C1orf141: variants seen among roughly 807,000 people sequenced by gnomAD.
C1orf141 encodes the protein chromosome 1 open reading frame 141.
C1orf141 carries 19 observed loss-of-function variants against 23.2 expected under a neutral mutation model. The ratio of observed to expected loss-of-function variants is 0.82; its 90% CI spans 0.57 to 1.20. The LOEUF (loss-of-function observed/expected upper bound fraction) is 1.20, where lower values mean the gene tolerates loss of function less well. Ranked by LOEUF, C1orf141 falls within the 50% of genes most tolerant of loss-of-function variation. C1orf141 has a pLI of 0.00. For missense variants in C1orf141, 469 were observed against 455.1 expected (o/e 1.03, Z -0.28); for synonymous variants, 153 against 154.6 (o/e 0.99, Z 0.08).
At chr1:67,132,526 A>G (rs924822081) in intron 1 of C1orf141, among the ~76,000 whole-genome samples, 2 of 152,132 alleles carry the variant, frequency 1.3e-5, no homozygotes, top group East Asian at 3.9e-4. Context: ...CATTTCAAAA[A>G]AAAAAAAGAG....
rs1558181825 is a variant in C1orf141, at chr1:67,093,365, CT to C, written c.842del (p.Gln281ArgfsTer13). The C allele has an allele frequency of 6.2e-7, 1 of 1,613,734 alleles. No homozygotes were observed. Reference protein sequence around the residue: ...TMPTVQRKDIQIPMSFKAGHT... With the variant: ...TMPTVQRKDIXIPMSFKAGHT... ...GGCCCGCTTTAAAAGACATAGGGAT[CT>C]GTATATCTTTTCTCTGTACTGTAGG... On this transcript the variant is annotated frameshift_variant, in exon 8 of 8. Coordinates refer to ENST00000684719, the MANE Select transcript of C1orf141 (RefSeq NM_001276351.2). LOFTEE classifies it low-confidence loss of function (END_TRUNC).
intron 5 of C1orf141, among the ~76,000 whole-genome samples, chr1:67,101,727 A>G (rs1220446961): frequency 6.6e-6 from 1 of 152,070 alleles, no homozygotes; most frequent in Non-Finnish European, 1.5e-5. Flanking sequence ...TTTGGCCAGG[A>G]TGAACTGAAC....
chr1:67,113,673 G>T, intron 5 of C1orf141: 1 of 1,252,890 alleles, frequency 8.0e-7, no homozygotes, highest in Non-Finnish European at 1.0e-6. Context: ...CCAGGTCTTT[G>T]TAAGAAGTAC....
rs1646572116 is a variant in C1orf141, at chr1:67,134,933, ATCTCCTTTCCTCCCTCT to A, written c.-124_-108del. On this transcript the variant is annotated 5_prime_UTR_variant, in exon 1 of 8. The change creates a new upstream start codon in the 5' untranslated region. Transcript: ENST00000684719. ...CCTTCCGCACCCTGAAACAAACCTC[ATCTCCTTTCCTCCCTCT>A]TCTGGCTCCGCGGGTTACTCGCCCC... 6.6e-6 allele frequency: 1 copy of A among 152,170 alleles called. No homozygotes were observed. The highest frequency in any genetic ancestry group is 2.1e-4 in the South Asian group (1 of 4,802). 9.4% of individuals were successfully genotyped at this position (152,170 alleles called of 1,614,324 possible).
intron 4 of C1orf141, among the ~76,000 whole-genome samples, chr1:67,119,016 C>T (rs1298186044): frequency 6.6e-6 from 1 of 152,122 alleles, no homozygotes; most frequent in Non-Finnish European, 1.5e-5. Context: ...GTAACAAGTA[C>T]TTGAATATGT....
intron 5 of C1orf141, among the ~76,000 whole-genome samples, chr1:67,104,084 C>T (rs796842689): frequency 2.6e-5 from 4 of 152,084 alleles, no homozygotes; most frequent in African/African-American, 9.6e-5. Flanking sequence ...GCCACAAAGA[C>T]CTCACATTTT....
In C1orf141 at chr1:67,115,384, G is replaced by T. The variant is rs1421343511; in HGVS notation, c.314C>A (p.Thr105Lys). The T allele has an allele frequency of 1.4e-6, 2 of 1,415,204 alleles. No homozygotes were observed. The highest frequency in any genetic ancestry group is 2.0e-6 in the Non-Finnish European group (2 of 1,013,904). 87.7% of individuals were successfully genotyped at this position (1,415,204 alleles called of 1,614,324 possible). Residue 105 changes from threonine (T) to lysine (K), a missense_variant, in exon 5 of 8, where the codon ACA (threonine) becomes AAA (lysine). This residue lies in a region of C1orf141 where 370 missense variants were observed against 348.1 expected (regional missense o/e 1.06). Coordinates refer to ENST00000684719, the MANE Select transcript of C1orf141 (RefSeq NM_001276351.2). ...KSNLRPFFIQ[T>K]NVKNKESEST... ...CTCACTTTCTTTATTTTTTACATTTGTTTGAATAAAGAATGGTCTTAAATT... is the reference window on the plus strand; with the variant it reads ...CTCACTTTCTTTATTTTTTACATTTTTTTGAATAAAGAATGGTCTTAAATT...
intron 5 of C1orf141, among the ~76,000 whole-genome samples, chr1:67,114,927 C>T (rs140552298): frequency 0.032 from 4,798 of 152,314 alleles, 102 homozygotes; most frequent in Non-Finnish European, 0.047. Context: ...CCACCCGCCT[C>T]GGCCTCCCAA....
At chr1:67,135,283 A>G (rs1362829609), upstream of C1orf141, among the ~76,000 whole-genome samples, 1 of 152,256 alleles carries the variant, frequency 6.6e-6, no homozygotes, top group Non-Finnish European at 1.5e-5. Flanking sequence ...GAAACATCGA[A>G]TTTCAAAAAG....
rs114620098 is a variant in C1orf141 at position 67,127,956 on chromosome 1, T to A, written c.-17-699A>T. 6.4e-3 allele frequency among the ~76,000 whole-genome samples: 967 copies of A among 152,130 alleles called. 11 individuals carry two copies. Among genetic ancestry groups the A allele is most frequent in the African/African-American group, 0.023 (937 of 41,518 alleles). On this transcript the variant is annotated intron_variant, in intron 2 of 7. Coordinates refer to ENST00000684719, the MANE Select transcript of C1orf141 (RefSeq NM_001276351.2). ...GGCCAGGAGTAGGACTTTGGACATA[T>A]CTGTTTTCTTTTTGTCATGATATAA...
upstream of C1orf141, among the ~76,000 whole-genome samples, chr1:67,139,578 T>C (rs558697873): frequency 2.0e-5 from 3 of 152,372 alleles, no homozygotes; most frequent in East Asian, 5.8e-4. Context: ...TATTTACTTA[T>C]GTTTTTAAAG....
chr1:67,105,666 C>T (rs960171276), intron 5 of C1orf141, among the ~76,000 whole-genome samples: 1 of 151,928 alleles, frequency 6.6e-6, no homozygotes, highest in African/African-American at 2.4e-5. Context: ...CAGACACACA[C>T]ACACACATGC....
rs1645852205 is a variant in C1orf141 at position 67,103,488 on chromosome 1, A to G, written c.347-7167T>C. ...TTCACATTTGCAATATTGAATTATG[A>G]TAACTAACAGCTGTCTGGTTCTTTA... On this transcript the variant is annotated intron_variant, in intron 5 of 7. Coordinates refer to ENST00000684719, the MANE Select transcript of C1orf141 (RefSeq NM_001276351.2). 8.8e-6 allele frequency: 5 copies of G among 570,838 alleles called. No individual in the cohort carries two copies. In the East Asian group the frequency reaches 1.6e-4, roughly 19 times the overall value. The allele number at this position is 570,838 out of a possible 1,614,324, so 35.4% of individuals were successfully genotyped here.
chr1:67,119,592 G>A (rs1007156346), intron 4 of C1orf141, among the ~76,000 whole-genome samples: 8 of 152,194 alleles, frequency 5.3e-5, no homozygotes, highest in Non-Finnish European at 1.2e-4. Flanking sequence ...TAAAGGTATA[G>A]TAAGTTGACT....
intron 5 of C1orf141, among the ~76,000 whole-genome samples, chr1:67,105,272 A>G (rs1388511329): frequency 2.0e-5 from 3 of 148,570 alleles, no homozygotes; most frequent in Non-Finnish European, 3.0e-5. Flanking sequence ...GTTGCATTGC[A>G]CTGAGATCAA....
chr1:67,093,079 T>C lies in C1orf141; in HGVS notation c.1129A>G (p.Ile377Val). The change falls in exon 8 of 8, where the codon ATA (isoleucine) becomes GTA (valine). Residue 377 changes from isoleucine to valine, a missense_variant. Around this residue, in one of 3 missense-constraint regions of C1orf141, gnomAD observed 370 missense variants for 348.1 expected, o/e 1.06. Coordinates refer to ENST00000684719, the MANE Select transcript of C1orf141 (RefSeq NM_001276351.2). ...GGCGTTACATTATTTAGTTCATATATATATTTAAAAGGCTTTGAGTAACAT... is the reference window on the plus strand; with the variant it reads ...GGCGTTACATTATTTAGTTCATATACATATTTAAAAGGCTTTGAGTAACAT... ...VKCYSKPFKY[I>V]YELNNVTPLD... is the part of the protein sequence containing the mutation. The C allele has an allele frequency of 6.2e-7, 1 of 1,610,042 alleles. No homozygotes were observed. Among genetic ancestry groups the C allele is most frequent in the Non-Finnish European group, 8.5e-7 (1 of 1,176,380 alleles).
At chr1:67,101,825 C>A (rs1645807349) in intron 5 of C1orf141, among the ~76,000 whole-genome samples, 1 of 152,110 alleles carries the variant, frequency 6.6e-6, no homozygotes. Context: ...GGCTTAAGAA[C>A]TTTTCTAAAG....
At chr1:67,116,789 T>C (rs1159043734) in intron 4 of C1orf141, among the ~76,000 whole-genome samples, 3 of 152,150 alleles carry the variant, frequency 2.0e-5, no homozygotes, top group African/African-American at 7.2e-5. Context: ...CTGCCTGTAG[T>C]ATTCTCCCCA....
chr1:67,100,984 T>G (rs1645784660), intron 5 of C1orf141, among the ~76,000 whole-genome samples: 1 of 145,984 alleles, frequency 6.9e-6, no homozygotes, highest in Non-Finnish European at 1.5e-5. Flanking sequence ...GTACTCTGTT[T>G]ATGTGTGAGG....
Sources: gnomAD v4.1 joint callset for allele counts (sites outside exome capture counted in the v4.1 genomes callset) on GRCh38, gnomAD v4.1.1 for gene constraint, gnomAD v4.1.1 regional missense constraint, MANE v1.5 for transcripts, NCBI Gene and HGNC (gene_info 2026-07-23, HGNC 2026-07-21) for gene names.